IGSF10: variants seen among roughly 807,000 people sequenced by gnomAD.
IGSF10 encodes the protein calvaria mechanical force protein 608.
IGSF10 carries 126 observed loss-of-function variants against 128.2 expected under a neutral mutation model. The ratio of observed to expected loss-of-function variants is 0.98; its 90% CI spans 0.85 to 1.14. The LOEUF is 1.14. IGSF10 is among the 50% of genes most tolerant of loss of function. The pLI is 0.00. For synonymous variants in IGSF10, 1,185 were observed against 1,146.2 expected, an observed-to-expected ratio of 1.03 and a Z score of -0.68; for missense variants, 3,295 against 3,149.8, an observed-to-expected ratio of 1.05 and a Z score of -1.10.
chr3:151,483,243 A>G, the IGSF10 span, among the ~76,000 whole-genome samples: 3 of 152,370 alleles, frequency 2.0e-5, no homozygotes, highest in Middle Eastern at 3.4e-3. Context: ...AAGCTACAAT[A>G]AGTTGTTAAG....
rs371517146 is a variant in IGSF10, at chr3:151,446,009, G to A, written c.3972C>T (p.Thr1324=). Residue 1324 remains threonine, a synonymous_variant, in exon 6 of 8, where the codon ACC becomes ACT. Transcript: ENST00000282466. ...TQTAIPATTP[T]FPASVITYET... ...CATAAGTGATGACAGATGCAGGGAA[G>A]GTAGGAGTTGTTGCTGGTATTGCTG... 246 of 1,614,160 alleles carry A rather than the reference G, an allele frequency of 1.5e-4. No homozygotes were observed. The Middle Eastern group carries it at 2.8e-3, about 18-fold the overall frequency.
chr3:151,446,748 G>A lies in IGSF10; in HGVS notation c.3233C>T (p.Ala1078Val). The A allele has an allele frequency of 4.3e-6, 7 of 1,614,174 alleles. No homozygotes were observed. Among genetic ancestry groups the A allele is most frequent in the Non-Finnish European group, 5.9e-6 (7 of 1,180,026 alleles). ...PRERLTTATA[A>V]LSFPSAAPIT... ...GGGAGCAGCACTTGGAAAAGACAAT[G>A]CTGCTGTGGCAGTGGTGAGCCTCTC... The change falls in exon 6 of 8, where the codon GCA becomes GTA. Residue 1078 changes from alanine to valine, a missense_variant. Coordinates refer to ENST00000282466, the MANE Select transcript of IGSF10 (RefSeq NM_178822.5).
At chr3:151,482,031 A>T in the IGSF10 span, among the ~76,000 whole-genome samples, 122,864 of 152,036 alleles carry the variant, frequency 0.81, 49,722 homozygotes, top group Middle Eastern at 0.92. Flanking sequence ...CCTCAAGCAC[A>T]TCTGCAGATA....
At chr3:151,455,897 C>T (rs1029252323) in intron 4 of IGSF10, among the ~76,000 whole-genome samples, 1 of 152,248 alleles carries the variant, frequency 6.6e-6, no homozygotes. Context: ...AACACCATTT[C>T]TCATCATATT....
At chr3:151,616,646 A>G in the IGSF10 span, among the ~76,000 whole-genome samples, 92 of 152,372 alleles carry the variant, frequency 6.0e-4, no homozygotes, top group African/African-American at 2.1e-3. Context: ...ACATTAAAAT[A>G]TTTAAATTCA....
chr3:151,463,106 A>G (rs1263510197), upstream of IGSF10, among the ~76,000 whole-genome samples: 9 of 152,202 alleles, frequency 5.9e-5, no homozygotes, highest in Non-Finnish European at 1.2e-4. Flanking sequence ...CTTGCTATCA[A>G]TTTCAAAGTG....
Position 151,443,130 on chromosome 3 carries a change from G to A in IGSF10, c.5817C>T (p.Thr1939=). ...VVMLTMEERV[T]SPRIEAASQK... is the part of the protein sequence containing the mutation. ...GGGATGCAGCTTCTATCCTGGGGCTGGTCACTCGCTCTTCCATTGTAAGCA... is the reference window on the plus strand; with the variant it reads ...GGGATGCAGCTTCTATCCTGGGGCTAGTCACTCGCTCTTCCATTGTAAGCA... The change falls in exon 7 of 8, where the codon ACC becomes ACT. Residue 1939 remains threonine (T), a synonymous_variant. Transcript: ENST00000282466. 1 of 1,614,158 alleles carries A rather than the reference G, an allele frequency of 6.2e-7. No homozygotes were observed. Among genetic ancestry groups the A allele is most frequent in the Non-Finnish European group, 8.5e-7 (1 of 1,180,042 alleles).
rs749080270 is a variant in IGSF10, at chr3:151,437,145, A to G, written c.7416T>C (p.Tyr2472=). The G allele has an allele frequency of 1.2e-6, 2 of 1,614,208 alleles. No homozygotes were observed. Among genetic ancestry groups the G allele is most frequent in the Non-Finnish European group, 1.7e-6 (2 of 1,180,028 alleles). The change falls in exon 8 of 8, where the codon TAT becomes TAC. Residue 2472 remains tyrosine (Y), a synonymous_variant. Coordinates refer to ENST00000282466, the MANE Select transcript of IGSF10 (RefSeq NM_178822.5). ...CATTAATTTGAGGCCTGTCTACTAC[A>G]TAACCACTTGGCATAGTCCATTTGA... ...PNIKWTMPSG[Y]VVDRPQINGK... is the part of the protein sequence containing the mutation.
the IGSF10 span, among the ~76,000 whole-genome samples, chr3:151,518,719 T>C: frequency 6.6e-6 from 1 of 151,966 alleles, no homozygotes; most frequent in African/African-American, 2.4e-5. Context: ...ATAATATAAA[T>C]ATTTCCTATG....
At chr3:151,567,483 T>C in the IGSF10 span, among the ~76,000 whole-genome samples, 1 of 152,180 alleles carries the variant, frequency 6.6e-6, no homozygotes, top group African/African-American at 2.4e-5. Context: ...TTTCTTATTT[T>C]CTGTATTCCT....
At chr3:151,534,521 G>A in the IGSF10 span, among the ~76,000 whole-genome samples, 26 of 152,224 alleles carry the variant, frequency 1.7e-4, no homozygotes, top group Admixed American at 1.6e-3. Context: ...GGATGAAGCT[G>A]GAAACCATCA....
Position 151,437,959 on chromosome 3 carries a change from T to TTGA in IGSF10, c.6599_6601dup (p.Ile2200dup), listed in dbSNP as rs1382047267. 6.2e-7 allele frequency: 1 copy of TTGA among 1,614,226 alleles called. No individual in the cohort carries two copies. Among genetic ancestry groups the TTGA allele is most frequent in the Admixed American group, 1.7e-5 (1 of 60,030 alleles). ...TCCAGAATCGAGCAGTTTCACTTTGTTGATGGTCAAAGACCCATTGGCATG... is the reference window on the plus strand; with the variant it reads ...TCCAGAATCGAGCAGTTTCACTTTGTTGATGATGGTCAAAGACCCATTGGCATG... On this transcript the variant is annotated inframe_insertion, in exon 8 of 8. Coordinates refer to ENST00000282466, the MANE Select transcript of IGSF10 (RefSeq NM_178822.5).
the IGSF10 span, among the ~76,000 whole-genome samples, chr3:151,511,630 G>A: frequency 6.6e-6 from 1 of 152,102 alleles, no homozygotes; most frequent in South Asian, 2.1e-4. Context: ...AACCTTAAAT[G>A]TAAATGGGCT....
the IGSF10 span, among the ~76,000 whole-genome samples, chr3:151,518,926 C>T: frequency 1.3e-5 from 2 of 151,814 alleles, no homozygotes; most frequent in Non-Finnish European, 2.9e-5. Context: ...TGGTTCTTTC[C>T]TTCCTCTTAC....
At chr3:151,529,236 C>T in the IGSF10 span, among the ~76,000 whole-genome samples, 1 of 152,296 alleles carries the variant, frequency 6.6e-6, no homozygotes, top group East Asian at 1.9e-4. Flanking sequence ...CTCCCATCTC[C>T]CTGGGACAGA....
chr3:151,604,340 CA>C, the IGSF10 span, among the ~76,000 whole-genome samples: 7 of 151,768 alleles, frequency 4.6e-5, no homozygotes, highest in Non-Finnish European at 8.8e-5. Flanking sequence ...GTAAAATGAA[CA>C]TAAATAAGCT....
the IGSF10 span, among the ~76,000 whole-genome samples, chr3:151,493,026 T>C: frequency 2.0e-5 from 3 of 152,086 alleles, no homozygotes; most frequent in Non-Finnish European, 4.4e-5. Context: ...ACAATATGAA[T>C]GGACCTGGAG....
chr3:151,529,487 G>A, the IGSF10 span, among the ~76,000 whole-genome samples: 5 of 152,162 alleles, frequency 3.3e-5, no homozygotes, highest in Admixed American at 6.5e-5. Flanking sequence ...GTGCCCCTCT[G>A]GGATGAAGCT....
the IGSF10 span, among the ~76,000 whole-genome samples, chr3:151,591,291 G>A: frequency 1.3e-5 from 2 of 151,080 alleles, no homozygotes; most frequent in East Asian, 1.9e-4. Context: ...CCAGAGTAGA[G>A]ATTCAAAAAT....
Sources: allele counts gnomAD v4.1 joint callset (sites outside exome capture counted in the v4.1 genomes callset), GRCh38; gene constraint gnomAD v4.1.1; transcripts MANE v1.5; gene names NCBI Gene and HGNC (gene_info 2026-07-23, HGNC 2026-07-21).